The following KIF13A variants were observed in gnomAD, a reference collection of about 807,000 sequenced individuals.
The protein encoded by KIF13A is kinesin family member 13A, also known as kinesin-like protein KIF13A.
In KIF13A, 79 loss-of-function variants were observed where a neutral mutation model predicts 212.2. The ratio of observed to expected loss-of-function variants is 0.37; its 90% CI spans 0.31 to 0.45. The LOEUF is 0.45. KIF13A is among the 20% of genes least tolerant of loss of function. The probability of loss-of-function intolerance (pLI) is 1.00; values close to 1 mark genes in which losing one functional copy is unlikely to be tolerated. For missense variants in KIF13A, 1,901 were observed against 2,209.0 expected (o/e 0.86, Z 2.79); for synonymous variants, 789 against 808.6 (o/e 0.98, Z 0.41).
At position 17,816,962 on chromosome 6, in the gene KIF13A, C is replaced by A; in HGVS notation, c.2000+58G>T. The A allele has an allele frequency of 6.9e-7, 1 of 1,456,328 alleles. No individual in the cohort carries two copies. The highest frequency in any genetic ancestry group is 1.2e-5 in the South Asian group (1 of 80,554). 90.2% of individuals were successfully genotyped at this position (1,456,328 alleles called of 1,614,324 possible). A position where few individuals can be genotyped will look rare whatever the true frequency, so the allele number is the denominator to read the frequency against. ...CCTGACATGTCTCAAAAACCCCTCC[C>A]TCAAAGACCCACGGCCTTGGGGCCT... On this transcript the variant is annotated intron_variant, in intron 17 of 38. Coordinates refer to ENST00000259711, the MANE Select transcript of KIF13A (RefSeq NM_022113.6). The surrounding 1 kb of genome is among the most constrained non-coding windows in gnomAD (Gnocchi z 4.3).
At chr6:17,848,919 A>G (rs1320593555) in intron 9 of KIF13A, among the ~76,000 whole-genome samples, 2 of 151,792 alleles carry the variant, frequency 1.3e-5, no homozygotes, top group Non-Finnish European at 2.9e-5. Context: ...AAATCCTTAT[A>G]CATCCTTTTT....
In KIF13A at chr6:17,817,042, C is replaced by A. The variant is rs769414007; in HGVS notation, c.1978G>T (p.Val660Leu). The change falls in exon 17 of 39, where the codon GTG becomes TTG. Residue 660 changes from valine (V) to leucine (L), a missense_variant. Around this residue, in one of 5 missense-constraint regions of KIF13A, gnomAD observed 534 missense variants for 536.9 expected, o/e 0.99. Transcript: ENST00000259711. Reference protein sequence around the residue: ...AYSSQTAQQKVTQWAEERDEL... With the variant: ...AYSSQTAQQKLTQWAEERDEL... The stretch of plus-strand genomic sequence containing the variant: ...TACCTCTCTTCTGCCCACTGGGTCA[C>A]CTTCTGCTGCGCTGTCTGGCTGCTG... The A allele has an allele frequency of 7.4e-6, 12 of 1,612,386 alleles. No individual in the cohort carries two copies. The highest frequency in any genetic ancestry group is 7.6e-6 in the Non-Finnish European group (9 of 1,179,664).
At chr6:17,861,373 T>C (rs1768765008) in intron 4 of KIF13A, among the ~76,000 whole-genome samples, 2 of 149,700 alleles carry the variant, frequency 1.3e-5, no homozygotes, top group South Asian at 4.3e-4. Flanking sequence ...AACATTAGCA[T>C]TTTTAACAGG....
At chr6:17,840,923 T>C (rs1766440208) in intron 9 of KIF13A, among the ~76,000 whole-genome samples, 1 of 152,108 alleles carries the variant, frequency 6.6e-6, no homozygotes, top group African/African-American at 2.4e-5. Context: ...GGTGTCTCCC[T>C]CTCTAGCACC....
At chr6:17,846,625 A>AAG (rs10700067) in intron 9 of KIF13A, among the ~76,000 whole-genome samples, 2 of 141,548 alleles carry the variant, frequency 1.4e-5, no homozygotes, top group Non-Finnish European at 3.1e-5. Flanking sequence ...AAAAAAAAAA[A>AAG]GGGAAGGAAG....
chr6:17,859,377 A>G (rs1768475374), intron 4 of KIF13A, among the ~76,000 whole-genome samples: 1 of 151,636 alleles, frequency 6.6e-6, no homozygotes, highest in Non-Finnish European at 1.5e-5. Context: ...CCGAGGTGGG[A>G]GGGTGGCTTG....
In KIF13A at chr6:17,783,222, G is replaced by T. The variant is rs893452798; in HGVS notation, c.3544+424C>A. Among the ~76,000 whole-genome samples the T allele has an allele frequency of 6.6e-6, 1 of 152,190 alleles. No homozygotes were observed. Among genetic ancestry groups the T allele is most frequent in the Admixed American group, 6.5e-5 (1 of 15,286 alleles). ...GAAACCATTGTTCTAGACTTGCCCA[G>T]GTTCCATCTAATTGCAATATGAAGG... On this transcript the variant is annotated intron_variant, in intron 29 of 38. Transcript: ENST00000259711. This position sits in a 1 kb window ranked among gnomAD's most constrained non-coding sequence, Gnocchi z 4.3.
Position 17,799,238 on chromosome 6 carries a change from A to G in KIF13A, c.2790+28T>C. On this transcript the variant is annotated intron_variant, in intron 22 of 38. Transcript: ENST00000259711. The surrounding 1 kb of genome is among the most constrained non-coding windows in gnomAD (Gnocchi z 4.4). Reference sequence around the variant, plus strand: ...TGCACCAATTTCTGCTGCTTCCTACACAGCTCATTTGGTAATGGCATTTGT... The same window carrying G: ...TGCACCAATTTCTGCTGCTTCCTACGCAGCTCATTTGGTAATGGCATTTGT... 3.3e-6 allele frequency: 5 copies of G among 1,510,018 alleles called. No individual in the cohort carries two copies. The highest frequency in any genetic ancestry group is 3.6e-6 in the Non-Finnish European group (4 of 1,120,164). The allele number at this position is 1,510,018 out of a possible 1,614,324, so 93.5% of individuals were successfully genotyped here.
chr6:17,772,669 T>A lies in KIF13A; in HGVS notation c.4325-610A>T, dbSNP rs1379927427. On this transcript the variant is annotated intron_variant, in intron 36 of 38. Transcript: ENST00000259711. The surrounding 1 kb of genome is among the most constrained non-coding windows in gnomAD (Gnocchi z 4.8). ...CTCTGAATTCTCACAGCCCTTATTA[T>A]CTGCATGTTCATTTTGGCACCTTAT... Among the ~76,000 whole-genome samples, 1 of 152,248 alleles carries A rather than the reference T, an allele frequency of 6.6e-6. No individual in the cohort carries two copies. Among genetic ancestry groups the A allele is most frequent in the African/African-American group, 2.4e-5 (1 of 41,466 alleles).
intron 2 of KIF13A, among the ~76,000 whole-genome samples, chr6:17,939,685 T>A (rs1776778104): frequency 6.6e-6 from 1 of 152,170 alleles, no homozygotes; most frequent in Non-Finnish European, 1.5e-5. Flanking sequence ...AAAACCAAGA[T>A]GGCAAGGAAA....
chr6:17,804,316 A>G (rs1444596046), intron 20 of KIF13A, 45 bp downstream of exon 20: 6 of 1,450,116 alleles, frequency 4.1e-6, no homozygotes, highest in Admixed American at 5.6e-5. Context: ...AAACAAAACA[A>G]AAAACTTGAA....
At position 17,837,573 on chromosome 6, in the gene KIF13A, T is replaced by C; in HGVS notation, c.841A>G (p.Thr281Ala). The C allele has an allele frequency of 6.2e-7, 1 of 1,602,980 alleles. No individual in the cohort carries two copies. The highest frequency in any genetic ancestry group is 8.5e-7 in the Non-Finnish European group (1 of 1,173,952). ...AGTGATGATATAACCAACCCCAAGGTTGTAAGCGATCTGTCAAGAAAAAAT... is the reference window on the plus strand; with the variant it reads ...AGTGATGATATAACCAACCCCAAGGCTGTAAGCGATCTGTCAAGAAAAAAT... The part of the protein sequence containing the change: ...EGSNINKSLT[T>A]LGLVISSLAD... Residue 281 changes from threonine to alanine, a missense_variant, in exon 10 of 39, where the codon ACC becomes GCC. Coordinates refer to ENST00000259711, the MANE Select transcript of KIF13A (RefSeq NM_022113.6). The surrounding 1 kb of genome is among the most constrained non-coding windows in gnomAD (Gnocchi z 5.4).
At chr6:17,857,352 T>C (rs906099663) in intron 4 of KIF13A, among the ~76,000 whole-genome samples, 4 of 152,156 alleles carry the variant, frequency 2.6e-5, no homozygotes, top group Non-Finnish European at 1.5e-5. Context: ...ATGGGGGCAG[T>C]TTCCCCTATG....
At chr6:17,814,322 C>A (rs1167821620) in intron 17 of KIF13A, among the ~76,000 whole-genome samples, 1 of 143,154 alleles carries the variant, frequency 7.0e-6, no homozygotes, top group African/African-American at 2.6e-5. Context: ...GATCTCAGAT[C>A]ACTGCAACCT....
At chr6:17,979,721 T>C (rs1780885267) in intron 2 of KIF13A, among the ~76,000 whole-genome samples, 2 of 150,248 alleles carry the variant, frequency 1.3e-5, no homozygotes, top group Non-Finnish European at 3.0e-5. Flanking sequence ...ATCATTAATG[T>C]CCTCAGAGAA....
Position 17,883,758 on chromosome 6 carries a change from A to G in KIF13A, c.160-10321T>C, listed in dbSNP as rs530656092. The stretch of plus-strand genomic sequence containing the variant: ...CAGTGAGATGTCTAGGGAAAAGAAG[A>G]AGGAAGGGGAGAGCCAGGTGCAATG... On this transcript the variant is annotated intron_variant, in intron 3 of 38. Coordinates refer to ENST00000259711, the MANE Select transcript of KIF13A (RefSeq NM_022113.6). This position sits in a 1 kb window ranked among gnomAD's most constrained non-coding sequence, Gnocchi z 4.8. Among the ~76,000 whole-genome samples the G allele has an allele frequency of 7.2e-5, 11 of 152,156 alleles. No homozygotes were observed. Among genetic ancestry groups the G allele is most frequent in the South Asian group, 2.1e-4 (1 of 4,830 alleles).
At position 17,900,894 on chromosome 6, in the gene KIF13A, C is replaced by A. The variant is rs111337018; in HGVS notation, c.147-2714G>T. Among the ~76,000 whole-genome samples the A allele has an allele frequency of 6.6e-6, 1 of 151,620 alleles. No homozygotes were observed. Among genetic ancestry groups the A allele is most frequent in the African/African-American group, 2.4e-5 (1 of 41,232 alleles). ...GGGATCGAGACCATCCTGGTTAACACGGTGAAACCCCGCCTCTACTAAAAA... is the reference window on the plus strand; with the variant it reads ...GGGATCGAGACCATCCTGGTTAACAAGGTGAAACCCCGCCTCTACTAAAAA... On this transcript the variant is annotated intron_variant, in intron 2 of 38. Coordinates refer to ENST00000259711, the MANE Select transcript of KIF13A (RefSeq NM_022113.6). This position sits in a 1 kb window ranked among gnomAD's most constrained non-coding sequence, Gnocchi z 4.6.
At position 17,898,603 on chromosome 6, in the gene KIF13A, C is replaced by T. The variant is rs1772786418; in HGVS notation, c.147-423G>A. The stretch of plus-strand genomic sequence containing the variant: ...TTTGTTAAAATATATGCATATTTTC[C>T]TTTGATAAATACATATACTCTAACA... On this transcript the variant is annotated intron_variant, in intron 2 of 38. Transcript: ENST00000259711. This position sits in a 1 kb window ranked among gnomAD's most constrained non-coding sequence, Gnocchi z 5.2. Among the ~76,000 whole-genome samples, 1 of 151,394 alleles carries T rather than the reference C, an allele frequency of 6.6e-6. No individual in the cohort carries two copies. Among genetic ancestry groups the T allele is most frequent in the African/African-American group, 2.4e-5 (1 of 41,222 alleles).
chr6:17,916,143 G>A (rs972127420), intron 2 of KIF13A, among the ~76,000 whole-genome samples: 1 of 152,038 alleles, frequency 6.6e-6, no homozygotes, highest in Non-Finnish European at 1.5e-5. Flanking sequence ...AGTGGCAAGC[G>A]TTCATGGCAG....
Sources: allele counts gnomAD v4.1 joint callset (sites outside exome capture counted in the v4.1 genomes callset), GRCh38; gene constraint gnomAD v4.1.1; regional missense constraint gnomAD v4.1.1; non-coding constraint Gnocchi (gnomAD v3.1); transcripts MANE v1.5; gene names NCBI Gene and HGNC (gene_info 2026-07-23, HGNC 2026-07-21).